Variants in ENAM observed in about 807,000 individuals in gnomAD.
ENAM encodes the protein enamelin, also known as amelogenesis imperfecta 2, hypocalcification (autosomal dominant).
Under a neutral mutation model 33.6 loss-of-function variants are expected in ENAM, and 21 were observed. That is an observed-to-expected ratio of 0.63 (90% confidence interval 0.44 to 0.90). ENAM has a LOEUF of 0.90. Among genes scored for constraint, ENAM ranks in the 40% least tolerant of loss-of-function variants. The pLI, the probability that ENAM is intolerant of heterozygous loss-of-function variation, is 0.00. For synonymous variants in ENAM, 473 were observed against 468.4 expected, an observed-to-expected ratio of 1.01 and a Z score of -0.13; for missense variants, 1,388 against 1,366.9, an observed-to-expected ratio of 1.02 and a Z score of -0.24.
At position 70,634,334 on chromosome 4, in the gene ENAM, A is replaced by T. The variant is rs749953744; in HGVS notation, c.237A>T (p.Gly79=). The change falls in exon 6 of 9, where the codon GGA becomes GGT. Residue 79 remains glycine (G), a synonymous_variant. Coordinates refer to ENST00000396073, the MANE Select transcript of ENAM (RefSeq NM_031889.3). ...TGGCACACCTGGGGCCCTTCTTTGG[A>T]AACGGTCTCCCTCAGCAATTTCCAC... is the stretch of plus-strand genomic sequence containing the variant. The part of the protein sequence containing the change: ...PHMAHLGPFF[G]NGLPQQFPQY... 6.8e-6 allele frequency: 11 copies of T among 1,614,096 alleles called. No individual in the cohort carries two copies. In the Admixed American group the frequency reaches 1.5e-4, roughly 22 times the overall value.
rs145784024 is a variant in ENAM, at chr4:70,645,116, T to A, written c.*261T>A. ...GCCATGACCATCCCTGCCTCGAAAC[T>A]TGCAAGTCACTTGTCTGAGTTAGTT... On this transcript the variant is annotated 3_prime_UTR_variant, in exon 9 of 9. Coordinates refer to ENST00000396073, the MANE Select transcript of ENAM (RefSeq NM_031889.3). 6.4e-5 allele frequency: 35 copies of A among 550,106 alleles called. No homozygotes were observed. The East Asian group carries it at 9.2e-4, about 14-fold the overall frequency. 34.1% of individuals were successfully genotyped at this position (550,106 alleles called of 1,614,324 possible).
rs773696608 is a variant in ENAM at position 70,634,608 on chromosome 4, C to T, written c.471+40C>T. ...GAAAAATTCCATATCTGTAAATGGC[C>T]TCGGAGAGATTTGGAGGGCCATGCC... is the stretch of plus-strand genomic sequence containing the variant. On this transcript the variant is annotated intron_variant, in intron 6 of 8. Transcript: ENST00000396073. The T allele has an allele frequency of 2.5e-6, 4 of 1,606,744 alleles. No homozygotes were observed. The Admixed American group carries it at 6.7e-5, about 27-fold the overall frequency.
At chr4:70,629,636 C>A in intron 2 of ENAM, 82 bp downstream of exon 2, 1 of 1,007,670 alleles carries the variant, frequency 9.9e-7, no homozygotes, top group Non-Finnish European at 1.6e-6. Context: ...GAGGGCCAAA[C>A]ACTACTGAAA....
At chr4:70,633,296 A>G (rs992834942) in intron 5 of ENAM, among the ~76,000 whole-genome samples, 2 of 152,072 alleles carry the variant, frequency 1.3e-5, no homozygotes, top group African/African-American at 4.8e-5. Flanking sequence ...GACTACATCC[A>G]TTTTTTTGTA....
At chr4:70,633,753 T>C (rs900293229) in intron 5 of ENAM, among the ~76,000 whole-genome samples, 6 of 152,246 alleles carry the variant, frequency 3.9e-5, no homozygotes, top group African/African-American at 1.4e-4. Flanking sequence ...AACTTTGTAA[T>C]TGTGGTGATT....
At chr4:70,629,627 A>C (rs991088184) in intron 2 of ENAM, 73 bp downstream of exon 2, 116 of 1,076,784 alleles carry the variant, frequency 1.1e-4, no homozygotes, top group Non-Finnish European at 1.6e-4. Context: ...TACACTTGAG[A>C]GGGCCAAACA....
Position 70,645,236 on chromosome 4 carries a change from T to TA in ENAM, c.*382dup. Reference sequence around the variant, plus strand: ...AGGCAGATTAACTTTCCATTCTACTTATGGAGATCCACACATCAGTATAGT... The same window carrying TA: ...AGGCAGATTAACTTTCCATTCTACTTAATGGAGATCCACACATCAGTATAGT... On this transcript the variant is annotated 3_prime_UTR_variant, in exon 9 of 9. Transcript: ENST00000396073. 17 of 213,790 alleles carry TA rather than the reference T, an allele frequency of 8.0e-5. No homozygotes were observed. Among genetic ancestry groups the TA allele is most frequent in the South Asian group, 4.7e-4 (3 of 6,436 alleles). 13.2% of individuals were successfully genotyped at this position (213,790 alleles called of 1,614,324 possible).
Position 70,634,314 on chromosome 4 carries a change from C to T in ENAM, c.217C>T (p.His73Tyr). The T allele has an allele frequency of 6.2e-7, 1 of 1,614,016 alleles. No individual in the cohort carries two copies. Among genetic ancestry groups the T allele is most frequent in the Non-Finnish European group, 8.5e-7 (1 of 1,179,920 alleles). ...TTATTTGCTACCCTTTCAGATGGCA[C>T]ACCTGGGGCCCTTCTTTGGAAACGG... ...FNFMNGPHMA[H>Y]LGPFFGNGLP... The change falls in exon 6 of 9, where the codon CAC becomes TAC. Residue 73 changes from histidine to tyrosine, a missense_variant. His to Tyr is a moderately conservative substitution (Grantham distance 83). Coordinates refer to ENST00000396073, the MANE Select transcript of ENAM (RefSeq NM_031889.3).
chr4:70,643,059 C>T lies in ENAM; in HGVS notation c.1633C>T (p.Pro545Ser), dbSNP rs1224659285. The T allele has an allele frequency of 6.2e-7, 1 of 1,613,846 alleles. No homozygotes were observed. The highest frequency in any genetic ancestry group is 8.5e-7 in the Non-Finnish European group (1 of 1,179,894). ...AGAATTAAAGCACAGCTCATATCAG[C>T]CTGCTGTATACCCTGAGGAAATCCC... ...QSELKHSSYQ[P>S]AVYPEEIPSP... Residue 545 changes from proline to serine, a missense_variant, in exon 9 of 9, where the codon CCT becomes TCT. Transcript: ENST00000396073.
chr4:70,636,401 G>A (rs1039654197), intron 7 of ENAM, among the ~76,000 whole-genome samples: 10 of 152,210 alleles, frequency 6.6e-5, no homozygotes, highest in Admixed American at 2.6e-4. Context: ...TTGGGAGGCC[G>A]AGATGGGTGA....
rs983279033 is a variant in ENAM, at chr4:70,628,811, A to G, written c.-214A>G. On this transcript the variant is annotated 5_prime_UTR_variant, in exon 1 of 9. Transcript: ENST00000396073. The stretch of plus-strand genomic sequence containing the variant: ...GTGAAGAATTTTTGTTTTATTATTA[A>G]GAAATAAATGTATCTTGCTTCTTGA... The G allele has an allele frequency of 6.6e-6, 1 of 152,168 alleles. No homozygotes were observed. Among genetic ancestry groups the G allele is most frequent in the Admixed American group, 6.6e-5 (1 of 15,266 alleles). 9.4% of individuals were successfully genotyped at this position (152,168 alleles called of 1,614,324 possible). A position where few individuals can be genotyped will look rare whatever the true frequency, so the allele number is the denominator to read the frequency against.
At position 70,642,980 on chromosome 4, in the gene ENAM, A is replaced by T. The variant is rs146719067; in HGVS notation, c.1554A>T (p.Lys518Asn). ...DGQTQSQNLPKGIVLGSRRMP... is the reference protein window; with the variant it reads ...DGQTQSQNLPNGIVLGSRRMP... ...AAACCCAAAGCCAGAATTTGCCCAA[A>T]GGGATTGTTTTAGGGTCAAGAAGGA... is the stretch of plus-strand genomic sequence containing the variant. Residue 518 changes from lysine (K) to asparagine (N), a missense_variant, in exon 9 of 9, where the codon AAA becomes AAT. Coordinates refer to ENST00000396073, the MANE Select transcript of ENAM (RefSeq NM_031889.3). 192 of 1,614,186 alleles carry T rather than the reference A, an allele frequency of 1.2e-4. No homozygotes were observed. The highest frequency in any genetic ancestry group is 1.5e-4 in the Non-Finnish European group (179 of 1,180,034).
At position 70,644,288 on chromosome 4, in the gene ENAM, G is replaced by A. The variant is rs1738696951; in HGVS notation, c.2862G>A (p.Arg954=). The change falls in exon 9 of 9, where the codon AGG becomes AGA. Residue 954 remains arginine (R), a synonymous_variant. Coordinates refer to ENST00000396073, the MANE Select transcript of ENAM (RefSeq NM_031889.3). ...GAGATGATGTGTCCACGCTGAGGAG[G>A]AACACACCATGTTCTATAAAGAATC... The part of the protein sequence containing the change: ...PFRDDVSTLR[R]NTPCSIKNQL... 1 of 1,614,188 alleles carries A rather than the reference G, an allele frequency of 6.2e-7. No homozygotes were observed. The highest frequency in any genetic ancestry group is 8.5e-7 in the Non-Finnish European group (1 of 1,180,014).
rs113930869 is a variant in ENAM at position 70,643,490 on chromosome 4, T to C, written c.2064T>C (p.Gly688=). The C allele has an allele frequency of 1.2e-6, 2 of 1,614,118 alleles. No individual in the cohort carries two copies. Among genetic ancestry groups the C allele is most frequent in the South Asian group, 2.2e-5 (2 of 91,074 alleles). ...GCCCAACAGTTAGGCACTATGAAGG[T>C]GAACAATATACCTCAAATCAGCCAA... ...KGGPTVRHYE[G]EQYTSNQPKE... Residue 688 remains glycine (G), a synonymous_variant, in exon 9 of 9, where the codon GGT becomes GGC. Coordinates refer to ENST00000396073, the MANE Select transcript of ENAM (RefSeq NM_031889.3).
In ENAM at chr4:70,643,521, T is replaced by A; in HGVS notation, c.2095T>A (p.Tyr699Asn). The change falls in exon 9 of 9, where the codon TAT becomes AAT. Residue 699 changes from tyrosine (Y) to asparagine (N), a missense_variant. Physicochemically the swap from Tyr to Asn is moderately radical, Grantham distance 143. Transcript: ENST00000396073. ...ATATACCTCAAATCAGCCAAAGGAATATCTTCCCTATTCTTTAGATAATCC... is the reference window on the plus strand; with the variant it reads ...ATATACCTCAAATCAGCCAAAGGAAAATCTTCCCTATTCTTTAGATAATCC... ...EQYTSNQPKE[Y>N]LPYSLDNPSK... is the part of the protein sequence containing the mutation. 6.2e-7 allele frequency: 1 copy of A among 1,614,142 alleles called. No homozygotes were observed. The highest frequency in any genetic ancestry group is 8.5e-7 in the Non-Finnish European group (1 of 1,179,988).
Position 70,643,717 on chromosome 4 carries a change from A to G in ENAM, c.2291A>G (p.Asn764Ser). The G allele has an allele frequency of 1.9e-6, 3 of 1,614,204 alleles. No homozygotes were observed. The highest frequency in any genetic ancestry group is 2.2e-5 in the East Asian group (1 of 44,886). Residue 764 changes from asparagine to serine, a missense_variant, in exon 9 of 9, where the codon AAT (asparagine) becomes AGT (serine). Coordinates refer to ENST00000396073, the MANE Select transcript of ENAM (RefSeq NM_031889.3). ...GAAAGCACTCTATTTCCTTCACGGA[A>G]TTCCTGGGACCACAGGATACAAGCC... is the stretch of plus-strand genomic sequence containing the variant. ...PEESTLFPSRNSWDHRIQAQG... is the reference protein window; with the variant it reads ...PEESTLFPSRSSWDHRIQAQG...
In ENAM at chr4:70,643,063, C is replaced by T. The variant is rs1738644259; in HGVS notation, c.1637C>T (p.Ala546Val). The T allele has an allele frequency of 2.5e-6, 4 of 1,613,818 alleles. No individual in the cohort carries two copies. In the South Asian group the frequency reaches 4.4e-5, roughly 18 times the overall value. The stretch of plus-strand genomic sequence containing the variant: ...TTAAAGCACAGCTCATATCAGCCTG[C>T]TGTATACCCTGAGGAAATCCCTTCT... ...SELKHSSYQPAVYPEEIPSPA... is the reference protein window; with the variant it reads ...SELKHSSYQPVVYPEEIPSPA... The change falls in exon 9 of 9, where the codon GCT becomes GTT. Residue 546 changes from alanine to valine, a missense_variant. Physicochemically the swap from Ala to Val is moderately conservative, Grantham distance 64 (BLOSUM62 0). Coordinates refer to ENST00000396073, the MANE Select transcript of ENAM (RefSeq NM_031889.3).
At chr4:70,634,670 G>A in intron 6 of ENAM, 102 bp downstream of exon 6, 1 of 1,145,218 alleles carries the variant, frequency 8.7e-7, no homozygotes, top group Admixed American at 1.8e-5. Context: ...GTACTCTGTT[G>A]CAATACCAAT....
chr4:70,642,133 A>G lies in ENAM; in HGVS notation c.707A>G (p.Glu236Gly), dbSNP rs1316873084. ...AAAGAAGAAGATCCTCCTAAAGCAG[A>G]AAGTCCAGGCACAGAACCCACAGCT... The part of the protein sequence containing the change: ...KPKEEDPPKA[E>G]SPGTEPTANS... The change falls in exon 9 of 9, where the codon GAA (glutamate) becomes GGA (glycine). Residue 236 changes from glutamate to glycine, a missense_variant. Coordinates refer to ENST00000396073, the MANE Select transcript of ENAM (RefSeq NM_031889.3). The G allele has an allele frequency of 1.2e-6, 2 of 1,614,208 alleles. No homozygotes were observed. Among genetic ancestry groups the G allele is most frequent in the South Asian group, 2.2e-5 (2 of 91,082 alleles).
Sources: allele counts gnomAD v4.1 joint callset (sites outside exome capture counted in the v4.1 genomes callset), GRCh38; gene constraint gnomAD v4.1.1; transcripts MANE v1.5; gene names NCBI Gene and HGNC (gene_info 2026-07-23, HGNC 2026-07-21).